Variants in ABCA5 observed in about 807,000 individuals in gnomAD.
The protein encoded by ABCA5 is cholesterol transporter ABCA5.
In ABCA5, 163 loss-of-function variants were observed where a neutral mutation model predicts 206.0. The ratio of observed to expected loss-of-function variants is 0.79; its 90% CI spans 0.70 to 0.90. The LOEUF (loss-of-function observed/expected upper bound fraction) is 0.90. Ranked by LOEUF, ABCA5 falls within the 40% of genes least tolerant of loss-of-function variation. The pLI, the probability that ABCA5 is intolerant of heterozygous loss-of-function variation, is 0.00. For synonymous variants in ABCA5, 609 were observed against 613.8 expected (o/e 0.99, Z 0.11); for missense variants, 1,859 against 1,912.9 (o/e 0.97, Z 0.53).
At chr17:69,287,592 A>AT in intron 15 of ABCA5, 21 bp downstream of exon 15, 1 of 1,601,134 alleles carries the variant, frequency 6.2e-7, no homozygotes, top group Non-Finnish European at 8.5e-7. Flanking sequence ...TCAGCCTTCG[A>AT]AAATAAAACA....
chr17:69,277,839 T>C lies in ABCA5; in HGVS notation c.2396A>G (p.Tyr799Cys). 2 of 1,517,722 alleles carry C rather than the reference T, an allele frequency of 1.3e-6. No homozygotes were observed. The highest frequency in any genetic ancestry group is 1.4e-5 in the African/African-American group (1 of 70,602). 94.0% of individuals were successfully genotyped at this position (1,517,722 alleles called of 1,614,324 possible). ...CAGTGGCTGCTGAGTAAATACACTA[T>C]AATCTATTTGCCAAAACAAAACAAA... ...EVEAEIDQADYSVFTQQPLEE... is the reference protein window; with the variant it reads ...EVEAEIDQADCSVFTQQPLEE... Residue 799 changes from tyrosine to cysteine, a missense_variant, in exon 19 of 39, where the codon TAT (tyrosine) becomes TGT (cysteine). Physicochemically the swap from Tyr to Cys is radical, Grantham distance 194. Coordinates refer to ENST00000392676, the MANE Select transcript of ABCA5 (RefSeq NM_172232.4).
rs750563825 is a variant in ABCA5, at chr17:69,306,717, T to A, written c.788+8A>T. 7.7e-7 allele frequency: 1 copy of A among 1,297,720 alleles called. No individual in the cohort carries two copies. The highest frequency in any genetic ancestry group is 1.0e-6 in the Non-Finnish European group (1 of 985,242). 80.4% of individuals were successfully genotyped at this position (1,297,720 alleles called of 1,614,324 possible). A position where few individuals can be genotyped will look rare whatever the true frequency, so the allele number is the denominator to read the frequency against. ...ATTATATTAAGTAATAAATTTTTAATAACATACCAAAAGGCAGTATCATGA... is the reference window on the plus strand; with the variant it reads ...ATTATATTAAGTAATAAATTTTTAAAAACATACCAAAAGGCAGTATCATGA... On this transcript the variant is annotated splice_region_variant and intron_variant, in intron 6 of 38. Transcript: ENST00000392676.
intron 1 of ABCA5, chr17:69,315,408 A>T (rs1208120406): frequency 6.6e-6 from 1 of 152,264 alleles, no homozygotes; most frequent in Non-Finnish European, 1.5e-5. Flanking sequence ...GCCTGCTAAG[A>T]GAAAATATCA....
At position 69,254,482 on chromosome 17, in the gene ABCA5, T is replaced by C. The variant is rs1458190601; in HGVS notation, c.4077A>G (p.Leu1359=). ...CACTTGTCTCTGAAGAATAATCTCCTAAAAATACCTATAGAAACACAAACC... is the reference window on the plus strand; with the variant it reads ...CACTTGTCTCTGAAGAATAATCTCCCAAAAATACCTATAGAAACACAAACC... The part of the protein sequence containing the change: ...DIEPTSGQVF[L]GDYSSETSED... The change falls in exon 32 of 39, where the codon TTA becomes TTG. Residue 1359 remains leucine (L), a synonymous_variant. Transcript: ENST00000392676. 3.9e-5 allele frequency: 63 copies of C among 1,610,310 alleles called. No homozygotes were observed. The highest frequency in any genetic ancestry group is 5.3e-5 in the Non-Finnish European group (63 of 1,178,730).
rs201281560 is a variant in ABCA5 at position 69,254,496 on chromosome 17, G to T, written c.4069-6C>A. ...GAATAATCTCCTAAAAATACCTATA[G>T]AAACACAAACCAATTTTTATTATTT... On this transcript the variant is annotated splice_polypyrimidine_tract_variant and splice_region_variant and intron_variant, in intron 31 of 38. Coordinates refer to ENST00000392676, the MANE Select transcript of ABCA5 (RefSeq NM_172232.4). 119 of 1,605,486 alleles carry T rather than the reference G, an allele frequency of 7.4e-5. No homozygotes were observed. Among genetic ancestry groups the T allele is most frequent in the Middle Eastern group, 1.7e-4 (1 of 6,022 alleles).
intron 1 of ABCA5, among the ~76,000 whole-genome samples, chr17:69,318,362 T>C (rs2075834727): frequency 6.6e-6 from 1 of 152,184 alleles, no homozygotes; most frequent in East Asian, 1.9e-4. Context: ...CCCAAAGTGC[T>C]GGGATTACAG....
chr17:69,306,831 CTA>C lies in ABCA5; in HGVS notation c.680_681del (p.Ile227SerfsTer32). On this transcript the variant is annotated frameshift_variant, in exon 6 of 39. Coordinates refer to ENST00000392676, the MANE Select transcript of ABCA5 (RefSeq NM_172232.4). LOFTEE classifies it high-confidence loss of function. Reference protein sequence around the residue: ...PRGVILIYLVIAFSPFGYFLA... With the variant: ...PRGVILIYLVXAFSPFGYFLA... ...AAAAAGTATCCAAAAGGTGAAAATG[CTA>C]TAACTAGGTATATTAAAATTACTCC... 6.2e-7 allele frequency: 1 copy of C among 1,601,728 alleles called. No individual in the cohort carries two copies. Among genetic ancestry groups the C allele is most frequent in the Non-Finnish European group, 8.5e-7 (1 of 1,173,632 alleles).
chr17:69,260,074 A>G (rs962665339), intron 27 of ABCA5, among the ~76,000 whole-genome samples: 1 of 151,944 alleles, frequency 6.6e-6, no homozygotes, highest in African/African-American at 2.4e-5. Context: ...CGAACACAAA[A>G]ACTTTGTTTT....
intron 19 of ABCA5, 47 bp downstream of exon 19, chr17:69,277,594 T>C (rs765466643): frequency 6.9e-6 from 10 of 1,456,054 alleles, no homozygotes; most frequent in Non-Finnish European, 8.4e-6. Context: ...CCAATGTGTA[T>C]CCTTAAAAAG....
chr17:69,311,972 G>T (rs573722988), intron 3 of ABCA5, among the ~76,000 whole-genome samples: 1 of 152,134 alleles, frequency 6.6e-6, no homozygotes, highest in East Asian at 1.9e-4. Flanking sequence ...ATATTAAATA[G>T]AAATAGCCAG....
intron 19 of ABCA5, among the ~76,000 whole-genome samples, chr17:69,275,407 A>C (rs1044357595): frequency 5.9e-5 from 9 of 152,170 alleles, no homozygotes; most frequent in Non-Finnish European, 1.0e-4. Context: ...TTAGATTATC[A>C]TACTTCAGCA....
At chr17:69,248,212 C>G in intron 38 of ABCA5, 50 bp downstream of exon 38, 1 of 1,098,304 alleles carries the variant, frequency 9.1e-7, no homozygotes, top group Non-Finnish European at 1.3e-6. Flanking sequence ...CAATCGATAT[C>G]AGATACTTTC....
intron 22 of ABCA5, among the ~76,000 whole-genome samples, chr17:69,269,263 G>A (rs968973946): frequency 3.3e-5 from 5 of 152,288 alleles, no homozygotes; most frequent in Admixed American, 6.5e-5. Context: ...TTACTCCTAC[G>A]GAGGAGAGAA....
At chr17:69,313,466 C>T (rs1439493029) in intron 2 of ABCA5, among the ~76,000 whole-genome samples, 170 bp from the exon 3 acceptor site, 2 of 152,064 alleles carry the variant, frequency 1.3e-5, no homozygotes, top group African/African-American at 4.8e-5. Context: ...TTGAACACCT[C>T]ATCCAACCCA....
chr17:69,247,153 G>GT lies in ABCA5; in HGVS notation c.*383dup, dbSNP rs1408569469. 1.3e-5 allele frequency: 2 copies of GT among 153,458 alleles called. No individual in the cohort carries two copies. Among genetic ancestry groups the GT allele is most frequent in the African/African-American group, 4.8e-5 (2 of 41,440 alleles). 9.5% of individuals were successfully genotyped at this position (153,458 alleles called of 1,614,324 possible). A position where few individuals can be genotyped will look rare whatever the true frequency, so the allele number is the denominator to read the frequency against. ...TTTTCTATGCATTAGTTATGAATTA[G>GT]TTTTTTATTTAGATTGGAACATTAC... On this transcript the variant is annotated 3_prime_UTR_variant, in exon 39 of 39. Coordinates refer to ENST00000392676, the MANE Select transcript of ABCA5 (RefSeq NM_172232.4).
At chr17:69,298,229 T>TAGGTAGGTAGGTAGGAAGGAAGGAAGGA (rs1253604474) in intron 9 of ABCA5, among the ~76,000 whole-genome samples, 31 of 33,494 alleles carry the variant, frequency 9.3e-4, no homozygotes, top group Non-Finnish European at 1.6e-3. Context: ...GGAAGGTAGG[T>TAGGTAGGTAGGTAGGAAGGAAGGAAGGA]AGGAAGGAAG....
At chr17:69,307,090 A>G in intron 5 of ABCA5, 136 bp from the exon 6 acceptor site, 1 of 427,662 alleles carries the variant, frequency 2.3e-6, no homozygotes, top group East Asian at 3.6e-5. Flanking sequence ...CATACCTGAA[A>G]TAAAGTGAGT....
At chr17:69,290,182 A>T (rs778459248) in intron 12 of ABCA5, 145 bp from the exon 13 acceptor site, 1 of 516,686 alleles carries the variant, frequency 1.9e-6, no homozygotes, top group Non-Finnish European at 3.3e-6. Context: ...CACACCCTTC[A>T]ATATTATTGG....
intron 19 of ABCA5, among the ~76,000 whole-genome samples, chr17:69,274,421 T>C (rs1354822556): frequency 1.3e-5 from 2 of 152,064 alleles, no homozygotes; most frequent in Non-Finnish European, 2.9e-5. Flanking sequence ...GGTTTCGCCA[T>C]GTTGCCAAGG....
Sources: gnomAD v4.1 joint callset for allele counts (sites outside exome capture counted in the v4.1 genomes callset) on GRCh38, gnomAD v4.1.1 for gene constraint, MANE v1.5 for transcripts, NCBI Gene and HGNC (gene_info 2026-07-23, HGNC 2026-07-21) for gene names.